Variants in CADPS observed in about 807,000 individuals in gnomAD.
The protein encoded by CADPS is calcium dependent secretion activator, also known as calcium-dependent secretion activator 1.
Under a neutral mutation model 167.3 loss-of-function variants are expected in CADPS, and 57 were observed. The observed-to-expected ratio is 0.34, with a 90% CI of 0.28 to 0.42. The LOEUF is 0.42. CADPS is among the 20% of genes least tolerant of loss of function. CADPS has a pLI of 1.00. For missense variants in CADPS, 1,414 were observed against 1,738.1 expected (o/e 0.81, Z 3.32); for synonymous variants, 676 against 635.3 (o/e 1.06, Z -0.96).
chr3:62,453,066 G>T (rs1447939972), intron 26 of CADPS, among the ~76,000 whole-genome samples: 1 of 152,160 alleles, frequency 6.6e-6, no homozygotes, highest in African/African-American at 2.4e-5. Context: ...CCAGGAGTTC[G>T]AAGCTGCGGT....
chr3:62,828,356 C>T (rs960497975), intron 1 of CADPS, among the ~76,000 whole-genome samples: 1 of 152,120 alleles, frequency 6.6e-6, no homozygotes, highest in African/African-American at 2.4e-5. Flanking sequence ...GTGGTCTTCA[C>T]AAAACTGTTC....
intron 3 of CADPS, among the ~76,000 whole-genome samples, chr3:62,684,114 A>G (rs1282628392): frequency 1.3e-5 from 2 of 152,026 alleles, no homozygotes; most frequent in South Asian, 2.1e-4. Flanking sequence ...GGGTGTATCT[A>G]TTTAAGTTAT....
At chr3:62,778,579 C>G (rs2090892142) in intron 1 of CADPS, among the ~76,000 whole-genome samples, 1 of 152,178 alleles carries the variant, frequency 6.6e-6, no homozygotes, top group South Asian at 2.1e-4. Flanking sequence ...GATTGATATA[C>G]AGCATGAACT....
rs2077835259 is a variant in CADPS, at chr3:62,848,121, G to T, written c.441+26468C>A. Among the ~76,000 whole-genome samples, 3 of 143,294 alleles carry T rather than the reference G, an allele frequency of 2.1e-5. No homozygotes were observed. In the South Asian group the frequency reaches 6.4e-4, roughly 31 times the overall value. 94.0% of individuals were successfully genotyped at this position (143,294 alleles called of 152,430 possible). On this transcript the variant is annotated intron_variant, in intron 1 of 29. Coordinates refer to ENST00000383710, the MANE Select transcript of CADPS (RefSeq NM_003716.4). ...CATGTCCTTCGCCCACTTTTTGATG[G>T]GGTTGTTCGTTTTTTTCTTGTAAAT...
chr3:62,411,751 C>T (rs900776411), intron 28 of CADPS, among the ~76,000 whole-genome samples: 1 of 152,186 alleles, frequency 6.6e-6, no homozygotes, highest in Non-Finnish European at 1.5e-5. Context: ...ACGTTCAAGC[C>T]GTCTATGCCA....
At chr3:62,547,573 T>A (rs1289222179) in intron 11 of CADPS, among the ~76,000 whole-genome samples, 1 of 136,470 alleles carries the variant, frequency 7.3e-6, no homozygotes, top group Non-Finnish European at 1.5e-5. Context: ...TCCCTAGGGA[T>A]GATATCATTT....
At chr3:62,578,328 C>T (rs6798043) in intron 8 of CADPS, among the ~76,000 whole-genome samples, 24,716 of 151,748 alleles carry the variant, frequency 0.16, 2,654 homozygotes, top group African/African-American at 0.31. Flanking sequence ...GAAGACATAA[C>T]AGCCGGGTGT....
intron 3 of CADPS, among the ~76,000 whole-genome samples, chr3:62,697,155 T>A (rs115413224): frequency 0.021 from 3,230 of 152,196 alleles, 115 homozygotes; most frequent in African/African-American, 0.073. Flanking sequence ...CACGTGGTGT[T>A]TGTTTACATG....
intron 6 of CADPS, chr3:62,626,670 C>G (rs529719151): frequency 3.0e-6 from 2 of 663,804 alleles, no homozygotes; most frequent in African/African-American, 3.6e-5. Flanking sequence ...TTTGGAGTTC[C>G]TTCTGCAGGG....
chr3:62,763,402 C>A (rs2152489275), intron 2 of CADPS, among the ~76,000 whole-genome samples: 1 of 152,336 alleles, frequency 6.6e-6, no homozygotes, highest in Admixed American at 6.5e-5. Context: ...GGAAGATACC[C>A]ATCCCGCTGG....
At chr3:62,838,407 A>C (rs879066070) in intron 1 of CADPS, among the ~76,000 whole-genome samples, 13 of 152,208 alleles carry the variant, frequency 8.5e-5, no homozygotes, top group Admixed American at 5.2e-4. Flanking sequence ...AAGAACTCTA[A>C]GACAGAGGTA....
intron 3 of CADPS, among the ~76,000 whole-genome samples, chr3:62,720,155 C>G (rs933709380): frequency 6.6e-6 from 1 of 151,864 alleles, no homozygotes; most frequent in Non-Finnish European, 1.5e-5. Context: ...AGAGCTGAAT[C>G]CAAACTTCCT....
chr3:62,400,695 G>A, intron 29 of CADPS, among the ~76,000 whole-genome samples: 1 of 148,942 alleles, frequency 6.7e-6, no homozygotes. Context: ...CACCCCCTGG[G>A]TTCAAACGAT....
chr3:62,561,454 G>C (rs549592178), intron 9 of CADPS, among the ~76,000 whole-genome samples: 23 of 150,960 alleles, frequency 1.5e-4, no homozygotes, highest in Admixed American at 3.3e-4. Flanking sequence ...TAGAGATGGT[G>C]GGGGGGATGT....
intron 1 of CADPS, among the ~76,000 whole-genome samples, chr3:62,824,186 A>AAAAG (rs565756948): frequency 5.3e-5 from 8 of 152,116 alleles, no homozygotes; most frequent in Non-Finnish European, 7.4e-5. Context: ...AAAAAAAGAA[A>AAAAG]AAAGAAAGAA....
At chr3:62,850,656 T>C (rs2153098149) in intron 1 of CADPS, among the ~76,000 whole-genome samples, 1 of 151,636 alleles carries the variant, frequency 6.6e-6, no homozygotes, top group Non-Finnish European at 1.5e-5. Flanking sequence ...TTATAATTTC[T>C]GTTCTTTTAC....
At chr3:62,485,293 A>T (rs73842424) in intron 21 of CADPS, among the ~76,000 whole-genome samples, 2,841 of 151,520 alleles carry the variant, frequency 0.019, 66 homozygotes, top group African/African-American at 0.059. Context: ...CTCCAACTTT[A>T]TGGCTTGCCT....
intron 1 of CADPS, among the ~76,000 whole-genome samples, chr3:62,844,928 C>T (rs1268216332): frequency 6.6e-6 from 1 of 152,144 alleles, no homozygotes; most frequent in East Asian, 1.9e-4. Context: ...GGCTAGACCA[C>T]AGGGTCTTCA....
At chr3:62,564,637 T>G (rs1422043469) in intron 9 of CADPS, among the ~76,000 whole-genome samples, 1 of 148,970 alleles carries the variant, frequency 6.7e-6, no homozygotes. Context: ...GACAGAATCT[T>G]GCTCTGTCAC....
Sources: gnomAD v4.1 joint callset for allele counts (sites outside exome capture counted in the v4.1 genomes callset) on GRCh38, gnomAD v4.1.1 for gene constraint, MANE v1.5 for transcripts, NCBI Gene and HGNC (gene_info 2026-07-23, HGNC 2026-07-21) for gene names.